MCM9: variants seen among roughly 807,000 people sequenced by gnomAD.
The protein encoded by MCM9 is minichromosome maintenance 9 homologous recombination repair factor, also known as DNA helicase MCM9.
A neutral mutation model predicts 72.8 loss-of-function variants in MCM9; 55 were observed. The observed-to-expected ratio is 0.76, with a 90% CI of 0.61 to 0.95. The LOEUF is 0.95. MCM9 is among the 40% of genes least tolerant of loss of function. The pLI, the probability that MCM9 is intolerant of heterozygous loss-of-function variation, is 0.00. For missense variants in MCM9, 1,279 were observed against 1,377.0 expected (o/e 0.93, Z 1.13); for synonymous variants, 480 against 503.4 (o/e 0.95, Z 0.62).
At chr6:118,901,084 T>G (rs941776476) in intron 8 of MCM9, 8 of 492,104 alleles carry the variant, frequency 1.6e-5, no homozygotes, top group Non-Finnish European at 2.5e-5. Flanking sequence ...TGCTGAGAGA[T>G]GTTAATGTGA....
At chr6:118,875,658 AAATAAT>A (rs369537070) in intron 8 of MCM9, among the ~76,000 whole-genome samples, 123,888 of 149,378 alleles carry the variant, frequency 0.83, 51,551 homozygotes, top group East Asian at 0.92. Flanking sequence ...ATAATAATTA[AAATAAT>A]AATAATAATA....
chr6:118,857,850 A>C (rs1213633950), intron 8 of MCM9, among the ~76,000 whole-genome samples: 1 of 152,152 alleles, frequency 6.6e-6, no homozygotes, highest in African/African-American at 2.4e-5. Flanking sequence ...ATTTGTTTTG[A>C]AAATTAAATA....
intron 8 of MCM9, among the ~76,000 whole-genome samples, chr6:118,891,301 G>T (rs1354499355): frequency 6.6e-6 from 1 of 152,160 alleles, no homozygotes; most frequent in Non-Finnish European, 1.5e-5. Context: ...CTTGGGAACT[G>T]ACCAATATTT....
chr6:118,847,357 C>T (rs937700951), intron 9 of MCM9, among the ~76,000 whole-genome samples: 49 of 142,908 alleles, frequency 3.4e-4, no homozygotes, highest in African/African-American at 1.3e-3. Flanking sequence ...ACTATTTGGG[C>T]GATGGGCCCT....
intron 8 of MCM9, chr6:118,907,634 T>A (rs1780267186): frequency 6.3e-7 from 1 of 1,582,996 alleles, no homozygotes; most frequent in Non-Finnish European, 8.7e-7. Flanking sequence ...ATCCCTTTAG[T>A]ACAAATTAAG....
In MCM9 at chr6:118,815,591, C is replaced by T. The variant is rs1773361907; in HGVS notation, c.2665G>A (p.Asp889Asn). Residue 889 changes from aspartate to asparagine, a missense_variant, in exon 14 of 14, where the codon GAC (aspartate) becomes AAC (asparagine). Asp to Asn is a conservative substitution (Grantham distance 23). Transcript: ENST00000619706. ...TTCGGTCTCTTTCTTTTGGGTGAGT[C>T]CAGCATTCTGTCTGGGCTATGTACA... The part of the protein sequence containing the change: ...TPVHSPDRML[D>N]SPKRKRPKSL... The T allele has an allele frequency of 6.5e-7, 1 of 1,550,384 alleles. No homozygotes were observed. The highest frequency in any genetic ancestry group is 8.7e-7 in the Non-Finnish European group (1 of 1,146,966).
rs940239047 is a variant in MCM9, at chr6:118,911,070, C to T, written c.1150+580G>A. ...TTTTAAAATAATTTTTTTCTAAATTCCCTGGGTCACTTTATTTATAATCAA... is the reference window on the plus strand; with the variant it reads ...TTTTAAAATAATTTTTTTCTAAATTTCCTGGGTCACTTTATTTATAATCAA... On this transcript the variant is annotated intron_variant, in intron 8 of 13. Coordinates refer to ENST00000619706, the MANE Select transcript of MCM9 (RefSeq NM_017696.3). 6 of 983,972 alleles carry T rather than the reference C, an allele frequency of 6.1e-6. No individual in the cohort carries two copies. In the South Asian group the frequency reaches 1.4e-4, roughly 23 times the overall value. 61.0% of individuals were successfully genotyped at this position (983,972 alleles called of 1,614,324 possible). A position where few individuals can be genotyped will look rare whatever the true frequency, so the allele number is the denominator to read the frequency against.
chr6:118,900,911 C>A, intron 8 of MCM9: 1 of 1,438,106 alleles, frequency 7.0e-7, no homozygotes, highest in Non-Finnish European at 9.8e-7. Context: ...ATGTGTATGC[C>A]AAATATGTTT....
At position 118,895,672 on chromosome 6, in the gene MCM9, A is replaced by G. The variant is rs191988674; in HGVS notation, c.1150+15978T>C. 1.8e-3 allele frequency among the ~76,000 whole-genome samples: 278 copies of G among 152,304 alleles called. 1 individual carries two copies. Among genetic ancestry groups the G allele is most frequent in the South Asian group, 0.01 (50 of 4,824 alleles). On this transcript the variant is annotated intron_variant, in intron 8 of 13. Coordinates refer to ENST00000619706, the MANE Select transcript of MCM9 (RefSeq NM_017696.3). ...AATAAATATTTAGAAAGCTAAAACG[A>G]CAATTATCTTTGCTTTAATTATCTT...
rs1778774225 is a variant in MCM9 at position 118,888,874 on chromosome 6, A to C, written c.1150+22776T>G. Among the ~76,000 whole-genome samples the C allele has an allele frequency of 2.0e-5, 3 of 152,202 alleles. No individual in the cohort carries two copies. In the South Asian group the frequency reaches 6.2e-4, roughly 32 times the overall value. Reference sequence around the variant, plus strand: ...TTTATATGAAATGTCTAGAATAGGCAAAACTATAGAGACAAAAAGTAATTC... The same window carrying C: ...TTTATATGAAATGTCTAGAATAGGCCAAACTATAGAGACAAAAAGTAATTC... On this transcript the variant is annotated intron_variant, in intron 8 of 13. Coordinates refer to ENST00000619706, the MANE Select transcript of MCM9 (RefSeq NM_017696.3).
chr6:118,899,374 T>TAG (rs1554260739), intron 8 of MCM9, among the ~76,000 whole-genome samples: 5 of 152,174 alleles, frequency 3.3e-5, no homozygotes, highest in Non-Finnish European at 7.3e-5. Flanking sequence ...GGTGCTTTCC[T>TAG]CCTTCCTTTC....
intron 9 of MCM9, among the ~76,000 whole-genome samples, chr6:118,843,147 G>C (rs1383312263): frequency 6.6e-6 from 1 of 152,092 alleles, no homozygotes; most frequent in Admixed American, 6.5e-5. Context: ...TTAAGCATCT[G>C]AATAGTAGGG....
At chr6:118,920,588 C>G (rs977698793) in intron 5 of MCM9, 2 of 152,218 alleles carry the variant, frequency 1.3e-5, no homozygotes, top group Admixed American at 6.5e-5. Flanking sequence ...CTTGGGCCAC[C>G]CTTTTGGTGA....
At chr6:118,886,939 T>C (rs928079679) in intron 8 of MCM9, among the ~76,000 whole-genome samples, 2 of 151,942 alleles carry the variant, frequency 1.3e-5, no homozygotes, top group African/African-American at 4.8e-5. Flanking sequence ...TGCTCCAGCC[T>C]AAAAAACAGA....
At chr6:118,824,181 A>G (rs1229742786) in intron 13 of MCM9, among the ~76,000 whole-genome samples, 1 of 151,808 alleles carries the variant, frequency 6.6e-6, no homozygotes, top group Non-Finnish European at 1.5e-5. Context: ...AATTTGAGTT[A>G]CAACCAAACA....
chr6:118,864,205 A>T, intron 8 of MCM9, among the ~76,000 whole-genome samples: 1 of 151,562 alleles, frequency 6.6e-6, no homozygotes, highest in African/African-American at 2.4e-5. Flanking sequence ...TTTGTCCCTC[A>T]CCCCACTCCC....
chr6:118,840,001 C>T (rs1460890729), intron 9 of MCM9, among the ~76,000 whole-genome samples: 7 of 152,118 alleles, frequency 4.6e-5, no homozygotes. Context: ...AAAGTTTAAG[C>T]CTGCTGAAGC....
At chr6:118,893,931 AGCCACGCCTCCCCGCCGCG>A (rs1375506811) in intron 8 of MCM9, 78 of 815,938 alleles carry the variant, frequency 9.6e-5, no homozygotes, top group Non-Finnish European at 1.1e-4. Flanking sequence ...CTCCCGCCGC[AGCCACGCCTCCCCGCCGCG>A]GCCACGCCCC....
Position 118,851,494 on chromosome 6 carries a change from T to A in MCM9, c.1325+4877A>T, listed in dbSNP as rs1289578984. Among the ~76,000 whole-genome samples the A allele has an allele frequency of 1.3e-5, 2 of 151,832 alleles. 1 individual carries two copies. The highest frequency in any genetic ancestry group is 4.9e-5 in the African/African-American group (2 of 41,102). The stretch of plus-strand genomic sequence containing the variant: ...ATGCATGATAATAAAATTGTACAAA[T>A]GTCTTTATGAACCCAGAAATTAGTT... On this transcript the variant is annotated intron_variant, in intron 9 of 13. Transcript: ENST00000619706.
Sources: gnomAD v4.1 joint callset for allele counts (sites outside exome capture counted in the v4.1 genomes callset) on GRCh38, gnomAD v4.1.1 for gene constraint, MANE v1.5 for transcripts, NCBI Gene and HGNC (gene_info 2026-07-23, HGNC 2026-07-21) for gene names.